The following KCNN2 variants were observed in gnomAD, a reference collection of about 807,000 sequenced individuals.
KCNN2 encodes the protein potassium calcium-activated channel subfamily N member 2, also known as small conductance calcium-activated potassium channel protein 2.
KCNN2 carries 24 observed loss-of-function variants against 55.5 expected under a neutral mutation model. That is an observed-to-expected ratio of 0.43 (90% CI 0.31 to 0.61). KCNN2 has a LOEUF of 0.61. Ranked by LOEUF, KCNN2 falls within the 20% of genes least tolerant of loss-of-function variation. The probability of loss-of-function intolerance (pLI) is 0.08; values close to 1 mark genes in which losing one functional copy is unlikely to be tolerated. For synonymous variants in KCNN2, 431 were observed against 336.1 expected (o/e 1.28, Z -3.09); for missense variants, 754 against 853.6 (o/e 0.88, Z 1.45).
At chr5:114,360,084 C>T (rs546885369), upstream of KCNN2, among the ~76,000 whole-genome samples, 40 of 152,152 alleles carry the variant, frequency 2.6e-4, no homozygotes, top group South Asian at 7.7e-3. Context: ...GATTGTTAGC[C>T]ACTAAATTAT....
intron 2 of KCNN2, among the ~76,000 whole-genome samples, chr5:114,349,764 A>G (rs1435267377): frequency 6.6e-6 from 1 of 152,060 alleles, no homozygotes; most frequent in Non-Finnish European, 1.5e-5. Flanking sequence ...TCTTGAGTAC[A>G]TACCTAGAAG....
intron 6 of KCNN2, among the ~76,000 whole-genome samples, chr5:114,489,458 A>T (rs1411971735): frequency 3.3e-5 from 5 of 152,158 alleles, no homozygotes; most frequent in Middle Eastern, 3.4e-3. Flanking sequence ...AGAGGAAGCT[A>T]CTTGTGATTT....
intron 2 of KCNN2, among the ~76,000 whole-genome samples, chr5:114,293,506 A>C (rs1203646877): frequency 6.6e-6 from 1 of 152,068 alleles, no homozygotes; most frequent in Non-Finnish European, 1.5e-5. Flanking sequence ...ATTGATTTTC[A>C]TATGTTGAAC....
intron 2 of KCNN2, among the ~76,000 whole-genome samples, chr5:114,307,196 C>T (rs1328479206): frequency 6.6e-6 from 1 of 152,144 alleles, no homozygotes; most frequent in African/African-American, 2.4e-5. Flanking sequence ...TGGGTTATCT[C>T]AAGTTCTCCC....
chr5:114,136,667 G>A (rs1489523648), intron 1 of KCNN2, among the ~76,000 whole-genome samples: 2 of 152,092 alleles, frequency 1.3e-5, no homozygotes, highest in African/African-American at 4.8e-5. Context: ...AAACAGAAAT[G>A]GCATGAAATT....
At chr5:114,443,863 G>T (rs1046355435) in intron 3 of KCNN2, among the ~76,000 whole-genome samples, 3 of 152,186 alleles carry the variant, frequency 2.0e-5, no homozygotes, top group Non-Finnish European at 4.4e-5. Context: ...CTCCTAATTT[G>T]TCATGTGGCT....
chr5:114,462,492 G>T (rs1761255267), intron 3 of KCNN2, among the ~76,000 whole-genome samples: 1 of 152,168 alleles, frequency 6.6e-6, no homozygotes, highest in South Asian at 2.1e-4. Context: ...ATGGTCCCAT[G>T]ATCTAGGGAT....
chr5:114,489,039 A>G (rs1208006061), intron 6 of KCNN2: 2 of 152,100 alleles, frequency 1.3e-5, no homozygotes, highest in Admixed American at 6.6e-5. Context: ...GACCTATCAA[A>G]TGGGTAATTA....
chr5:114,272,113 A>G (rs77986263), intron 2 of KCNN2, among the ~76,000 whole-genome samples: 12,402 of 152,222 alleles, frequency 0.081, 633 homozygotes, highest in African/African-American at 0.14. Flanking sequence ...TAGAAAGTGG[A>G]AAAACACAAT....
chr5:114,082,524 G>C (rs151106981), intron 1 of KCNN2, among the ~76,000 whole-genome samples: 49 of 152,240 alleles, frequency 3.2e-4, no homozygotes, highest in African/African-American at 1.1e-3. Context: ...GTGGAAAATA[G>C]TATGGAAGTT....
intron 2 of KCNN2, among the ~76,000 whole-genome samples, chr5:114,291,971 T>C (rs1213285633): frequency 6.6e-6 from 1 of 152,230 alleles, no homozygotes; most frequent in African/African-American, 2.4e-5. Flanking sequence ...ATGTGTTTTT[T>C]GGCTGCATAA....
At chr5:114,066,750 TTG>T (rs201518832) in intron 1 of KCNN2, among the ~76,000 whole-genome samples, 2,371 of 152,218 alleles carry the variant, frequency 0.016, 56 homozygotes, top group African/African-American at 0.054. Flanking sequence ...CAGCTAATTT[TTG>T]TGTGTTTTAG....
chr5:114,132,730 TA>T (rs1483025950), intron 1 of KCNN2, among the ~76,000 whole-genome samples: 1 of 152,152 alleles, frequency 6.6e-6, no homozygotes, highest in Non-Finnish European at 1.5e-5. Flanking sequence ...AGCATCAAAT[TA>T]AAAGCCATAA....
intron 1 of KCNN2, among the ~76,000 whole-genome samples, chr5:114,135,463 G>A (rs1752155738): frequency 6.6e-6 from 1 of 152,146 alleles, no homozygotes; most frequent in African/African-American, 2.4e-5. Flanking sequence ...ACTCCAAACA[G>A]TCATCTTTTC....
intron 2 of KCNN2, among the ~76,000 whole-genome samples, chr5:114,274,095 G>T (rs563588588): frequency 6.6e-6 from 1 of 152,264 alleles, no homozygotes; most frequent in African/African-American, 2.4e-5. Flanking sequence ...ATTAAATAGG[G>T]AATCATTCCC....
intron 1 of KCNN2, among the ~76,000 whole-genome samples, chr5:114,145,027 A>G (rs1229027178): frequency 6.6e-6 from 1 of 152,190 alleles, no homozygotes; most frequent in African/African-American, 2.4e-5. Context: ...TCTCCAGCCC[A>G]AACTCTCATA....
chr5:114,105,383 A>G lies in KCNN2; in HGVS notation c.-271+48883A>G, dbSNP rs181114214. 4.8e-5 allele frequency among the ~76,000 whole-genome samples: 7 copies of G among 144,558 alleles called. No individual in the cohort carries two copies. In the East Asian group the frequency reaches 1.2e-3, roughly 24 times the overall value. The allele number at this position is 144,558 out of a possible 152,430, so 94.8% of individuals were successfully genotyped here. On this transcript the variant is annotated intron_variant, in intron 1 of 10. Transcript: ENST00000512097. ...TTTTAAAAAGCCAAGAGCAAAAGCT[A>G]CAGCTTCTTTGATAGCATCCTGTTT...
At chr5:114,277,500 A>G (rs1206965951) in intron 2 of KCNN2, among the ~76,000 whole-genome samples, 1 of 152,114 alleles carries the variant, frequency 6.6e-6, no homozygotes, top group Non-Finnish European at 1.5e-5. Context: ...TGGTCTTTTC[A>G]CATAGTCCCA....
intron 2 of KCNN2, among the ~76,000 whole-genome samples, chr5:114,241,747 TATATGTATATATATACGTATATATATAC>T (rs1458904461): frequency 0.027 from 266 of 9,996 alleles, 58 homozygotes; most frequent in African/African-American, 0.085. Flanking sequence ...TATACGTATA[TATATGTATATATATACGTATATATATAC>T]ATATATACGT....
Sources: gnomAD v4.1 joint callset for allele counts (sites outside exome capture counted in the v4.1 genomes callset) on GRCh38, gnomAD v4.1.1 for gene constraint, MANE v1.5 for transcripts, NCBI Gene and HGNC (gene_info 2026-07-23, HGNC 2026-07-21) for gene names.